Variants in FGFR1OP2 observed in about 807,000 individuals in gnomAD.
The protein encoded by FGFR1OP2 is FGFR1 oncogene partner 2, also known as fibroblast growth factor receptor 1 oncogene partner 2.
Under a neutral mutation model 35.2 loss-of-function variants are expected in FGFR1OP2, and 17 were observed. The observed-to-expected ratio is 0.48, with a 90% confidence interval of 0.33 to 0.73. The LOEUF (loss-of-function observed/expected upper bound fraction) is 0.73. Among genes scored for constraint, FGFR1OP2 ranks in the 30% least tolerant of loss-of-function variants. FGFR1OP2 has a pLI of 0.02. For missense variants in FGFR1OP2, 251 were observed against 307.3 expected (o/e 0.82, Z 1.37); for synonymous variants, 105 against 104.6 (o/e 1.00, Z -0.03).
At chr12:26,942,907 T>C (rs1233074420) in intron 1 of FGFR1OP2, among the ~76,000 whole-genome samples, 2 of 152,326 alleles carry the variant, frequency 1.3e-5, no homozygotes, top group Admixed American at 1.3e-4. Context: ...TTTCAAACTC[T>C]CTAAACAGTG....
chr12:26,956,746 A>T, intron 3 of FGFR1OP2, 86 bp downstream of exon 3: 1 of 605,898 alleles, frequency 1.7e-6, no homozygotes, highest in Non-Finnish European at 2.7e-6. Context: ...TGTCCCACAT[A>T]TGAACATCTG....
rs1156463629 is a variant in FGFR1OP2 at position 26,965,554 on chromosome 12, A to G, written c.*821A>G. On this transcript the variant is annotated 3_prime_UTR_variant, in exon 7 of 7. Coordinates refer to ENST00000229395, the MANE Select transcript of FGFR1OP2 (RefSeq NM_015633.3). ...TTATGTAGTTCATTTAGTTAACAGAATTGAAATGTTTGATATGGCAAGATA... is the reference window on the plus strand; with the variant it reads ...TTATGTAGTTCATTTAGTTAACAGAGTTGAAATGTTTGATATGGCAAGATA... The G allele has an allele frequency of 2.0e-5, 3 of 152,030 alleles. No homozygotes were observed. Among genetic ancestry groups the G allele is most frequent in the Non-Finnish European group, 2.9e-5 (2 of 67,860 alleles). The allele number at this position is 152,030 out of a possible 1,614,324, so 9.4% of individuals were successfully genotyped here.
chr12:26,956,209 A>G (rs925170104), intron 2 of FGFR1OP2, among the ~76,000 whole-genome samples: 12 of 151,972 alleles, frequency 7.9e-5, no homozygotes, highest in African/African-American at 2.9e-4. Flanking sequence ...AACAATTGTT[A>G]TTGTCTTTTT....
chr12:26,964,444 C>A, intron 6 of FGFR1OP2, 152 bp from the exon 7 acceptor site: 1 of 694,028 alleles, frequency 1.4e-6, no homozygotes, highest in Non-Finnish European at 2.3e-6. Flanking sequence ...TTCAAGTTGC[C>A]AACTGCATAT....
intron 1 of FGFR1OP2, among the ~76,000 whole-genome samples, chr12:26,947,957 C>G (rs1682822000): frequency 6.6e-6 from 1 of 151,964 alleles, no homozygotes. Flanking sequence ...TTCAATTAAT[C>G]TATTGTAGTT....
intron 5 of FGFR1OP2, chr12:26,962,551 G>A (rs773183863): frequency 6.6e-6 from 1 of 151,994 alleles, no homozygotes; most frequent in Admixed American, 6.6e-5. Context: ...AACCTTTTTT[G>A]TCTGTCTCTT....
intron 1 of FGFR1OP2, among the ~76,000 whole-genome samples, chr12:26,942,855 A>G (rs964220231): frequency 6.6e-6 from 1 of 152,082 alleles, no homozygotes; most frequent in African/African-American, 2.4e-5. Flanking sequence ...CCTTAGTTGG[A>G]TAAGTGATTT....
In FGFR1OP2 at chr12:26,966,034, T is replaced by A. The variant is rs1156921668; in HGVS notation, c.*1301T>A. On this transcript the variant is annotated 3_prime_UTR_variant, in exon 7 of 7. Coordinates refer to ENST00000229395, the MANE Select transcript of FGFR1OP2 (RefSeq NM_015633.3). The stretch of plus-strand genomic sequence containing the variant: ...GGAAAATTATACTTTGAGTATATAA[T>A]TTGTTAAATATTACTTTATATGGTA... 2.6e-5 allele frequency: 4 copies of A among 152,126 alleles called. No homozygotes were observed. The highest frequency in any genetic ancestry group is 6.5e-5 in the Admixed American group (1 of 15,276). 9.4% of individuals were successfully genotyped at this position (152,126 alleles called of 1,614,324 possible).
chr12:26,960,554 C>A lies in FGFR1OP2; in HGVS notation c.436C>A (p.Leu146Ile). 3.7e-6 allele frequency: 6 copies of A among 1,613,478 alleles called. No individual in the cohort carries two copies. Among genetic ancestry groups the A allele is most frequent in the Non-Finnish European group, 4.2e-6 (5 of 1,179,674 alleles). ...VHRNKSEGFF[L>I]DASRHILEAP... is the part of the protein sequence containing the mutation. ...TCGTAACAAGTCCGAAGGATTCTTC[C>A]TTGATGCATCTCGACACATCCTTGA... Residue 146 changes from leucine (L) to isoleucine (I), a missense_variant, in exon 5 of 7, where the codon CTT becomes ATT. Transcript: ENST00000229395.
In FGFR1OP2 at chr12:26,956,544, A is replaced by G; in HGVS notation, c.137A>G (p.Tyr46Cys). 2 of 1,529,720 alleles carry G rather than the reference A, an allele frequency of 1.3e-6. No individual in the cohort carries two copies. Among genetic ancestry groups the G allele is most frequent in the South Asian group, 1.2e-5 (1 of 80,636 alleles). The allele number at this position is 1,529,720 out of a possible 1,614,324, so 94.8% of individuals were successfully genotyped here. ...CCACATGTTTTTCTCCCCCATTAGT[A>G]TCAGGAAGAAATTCAAGAACTTAAT... ...LNKRVEAMKQ[Y>C]QEEIQELNEV... Residue 46 changes from tyrosine (Y) to cysteine (C), a missense_variant and splice_region_variant, in exon 3 of 7, where the codon TAT becomes TGT. Physicochemically the swap from Tyr to Cys is radical, Grantham distance 194. Coordinates refer to ENST00000229395, the MANE Select transcript of FGFR1OP2 (RefSeq NM_015633.3).
chr12:26,952,674 G>A (rs1445036463), intron 1 of FGFR1OP2, among the ~76,000 whole-genome samples: 1 of 140,320 alleles, frequency 7.1e-6, no homozygotes, highest in African/African-American at 2.6e-5. Flanking sequence ...GCTACTTGTT[G>A]CTTTTTTTTT....
At chr12:26,942,694 G>T (rs1034411139) in intron 1 of FGFR1OP2, among the ~76,000 whole-genome samples, 4 of 152,136 alleles carry the variant, frequency 2.6e-5, no homozygotes, top group African/African-American at 9.7e-5. Context: ...GGTTCTAATT[G>T]CATTTCTCTA....
chr12:26,949,532 C>G (rs1938883089), intron 1 of FGFR1OP2, among the ~76,000 whole-genome samples: 1 of 151,994 alleles, frequency 6.6e-6, no homozygotes, highest in Admixed American at 6.6e-5. Flanking sequence ...AATATTGTGG[C>G]CATTTTTTTC....
At chr12:26,950,216 T>TTTTTTTTTG (rs1938901417) in intron 1 of FGFR1OP2, among the ~76,000 whole-genome samples, 4 of 98,654 alleles carry the variant, frequency 4.1e-5, no homozygotes, top group Non-Finnish European at 6.0e-5. Flanking sequence ...ATTCGTTGTT[T>TTTTTTTTTG]TTTTTTTTTT....
intron 1 of FGFR1OP2, among the ~76,000 whole-genome samples, chr12:26,941,636 A>G (rs1057190701): frequency 1.3e-5 from 2 of 152,224 alleles, no homozygotes; most frequent in Non-Finnish European, 2.9e-5. Context: ...ATTAATTACA[A>G]CTTTAAAAAG....
intron 1 of FGFR1OP2, among the ~76,000 whole-genome samples, chr12:26,951,756 A>C (rs2136353673): frequency 6.6e-6 from 1 of 152,314 alleles, no homozygotes; most frequent in South Asian, 2.1e-4. Flanking sequence ...CTATTTAGCT[A>C]TCTGATCATA....
rs927647725 is a variant in FGFR1OP2 at position 26,964,822 on chromosome 12, T to G, written c.*89T>G. 1.4e-6 allele frequency: 2 copies of G among 1,459,640 alleles called. No individual in the cohort carries two copies. Among genetic ancestry groups the G allele is most frequent in the Non-Finnish European group, 1.9e-6 (2 of 1,072,248 alleles). The allele number at this position is 1,459,640 out of a possible 1,614,324, so 90.4% of individuals were successfully genotyped here. On this transcript the variant is annotated 3_prime_UTR_variant, in exon 7 of 7. Transcript: ENST00000229395. ...TGGACAGAAAATTCAATCCTTTATT[T>G]TTTTCTCTGTAAATATGTACAGTGC...
intron 6 of FGFR1OP2, 149 bp downstream of exon 6, chr12:26,963,604 C>T (rs748364852): frequency 2.4e-4 from 117 of 489,724 alleles, no homozygotes; most frequent in Non-Finnish European, 4.0e-4. Context: ...TTATGCAAGA[C>T]CATTTATGTG....
At chr12:26,957,807 G>C in intron 4 of FGFR1OP2, 64 bp downstream of exon 4, 3 of 1,408,652 alleles carry the variant, frequency 2.1e-6, no homozygotes, top group Non-Finnish European at 2.8e-6. Flanking sequence ...TCTGTGTTCA[G>C]ATTTTTTTTG....
Sources: gnomAD v4.1 joint callset for allele counts (sites outside exome capture counted in the v4.1 genomes callset) on GRCh38, gnomAD v4.1.1 for gene constraint, MANE v1.5 for transcripts, NCBI Gene and HGNC (gene_info 2026-07-23, HGNC 2026-07-21) for gene names.